The following CNKSR2 variants were observed in gnomAD, a reference collection of about 807,000 sequenced individuals.
CNKSR2 encodes connector enhancer of kinase suppressor of Ras 2, also known as CNK homolog protein 2.
A neutral mutation model predicts 84.4 loss-of-function variants in CNKSR2; 14 were observed. The observed-to-expected ratio is 0.17, with a 90% CI of 0.11 to 0.26. CNKSR2 has a LOEUF of 0.26. Ranked by LOEUF, CNKSR2 falls within the 10% of genes least tolerant of loss-of-function variation. The pLI, the probability that CNKSR2 is intolerant of heterozygous loss-of-function variation, is 1.00. For synonymous variants in CNKSR2, 275 were observed against 277.9 expected (o/e 0.99, Z 0.10); for missense variants, 485 against 771.2 (o/e 0.63, Z 4.40).
At chrX:21,417,064 C>T (rs2090432727) in intron 1 of CNKSR2, among the ~76,000 whole-genome samples, 1 of 111,130 alleles carries the variant, frequency 9.0e-6, no homozygotes, top group Non-Finnish European at 1.9e-5. Context: ...CTATAAATTT[C>T]CCTCTTAGTA....
At chrX:21,534,049 A>C (rs181229007) in intron 11 of CNKSR2, among the ~76,000 whole-genome samples, 1 of 110,192 alleles carries the variant, frequency 9.1e-6, no homozygotes, top group Non-Finnish European at 1.9e-5. Flanking sequence ...ATGTAGCTGT[A>C]ATTTATATCC....
At chrX:21,406,175 C>T (rs1231081229) in intron 1 of CNKSR2, among the ~76,000 whole-genome samples, 1 of 111,365 alleles carries the variant, frequency 9.0e-6, no homozygotes, top group African/African-American at 3.3e-5. Context: ...TAGGAATGCA[C>T]ACTGTGTTGT....
chrX:21,380,432 C>G (rs1398443150), intron 1 of CNKSR2, among the ~76,000 whole-genome samples: 1 of 103,106 alleles, frequency 9.7e-6, no homozygotes, highest in South Asian at 4.2e-4. Context: ...TAGATTAGGG[C>G]TCAATTTGTT....
In CNKSR2 at chrX:21,594,196, T is replaced by A. The variant is rs2092438182; in HGVS notation, c.1831-778T>A. 3 of 111,759 alleles carry A rather than the reference T, an allele frequency of 2.7e-5. No homozygotes were observed. The South Asian group carries it at 1.1e-3, about 42-fold the overall frequency. 9.2% of individuals were successfully genotyped at this position (111,759 alleles called of 1,213,427 possible). On this transcript the variant is annotated intron_variant, in intron 15 of 21. Coordinates refer to ENST00000379510, the MANE Select transcript of CNKSR2 (RefSeq NM_014927.5). ...GAACGTGGATGGAGCTGGAGGCTAT[T>A]ATCCTTTGCAAATAAATGCAGGAAC... is the stretch of plus-strand genomic sequence containing the variant.
chrX:21,536,351 T>C (rs2091927878), intron 11 of CNKSR2, among the ~76,000 whole-genome samples: 1 of 111,442 alleles, frequency 9.0e-6, no homozygotes, highest in African/African-American at 3.3e-5. Flanking sequence ...TGGATTTTAG[T>C]AGTAGGCTAC....
intron 20 of CNKSR2, chrX:21,645,051 T>C (rs2092702923): frequency 8.9e-6 from 1 of 111,840 alleles, no homozygotes; most frequent in Admixed American, 9.5e-5. Flanking sequence ...CTTTGGGCTT[T>C]CAGTTATCAC....
intron 20 of CNKSR2, among the ~76,000 whole-genome samples, chrX:21,633,590 A>G (rs188611987): frequency 4.4e-5 from 5 of 112,450 alleles, no homozygotes; most frequent in African/African-American, 1.6e-4. Context: ...ACTCACTGCA[A>G]TGAAGTTCCT....
intron 19 of CNKSR2, 107 bp downstream of exon 19, chrX:21,606,986 C>G: frequency 2.4e-6 from 1 of 410,883 alleles, no homozygotes; most frequent in Non-Finnish European, 3.9e-6. Context: ...TTTAAGGTTT[C>G]TCAGCGGAAA....
Position 21,522,352 on chromosome X carries a change from A to T in CNKSR2, c.958-4515A>T, listed in dbSNP as rs759023357. 4.5e-5 allele frequency among the ~76,000 whole-genome samples: 5 copies of T among 110,967 alleles called. 1 individual carries two copies. Among genetic ancestry groups the T allele is most frequent in the South Asian group, 3.7e-4 (1 of 2,692 alleles). ...TGGAAGGCAAAGCAAGTTCTGTGTG[A>T]TCTTGGCATTAGTGAATTTTAGAGC... is the stretch of plus-strand genomic sequence containing the variant. On this transcript the variant is annotated intron_variant, in intron 9 of 21. Coordinates refer to ENST00000379510, the MANE Select transcript of CNKSR2 (RefSeq NM_014927.5).
chrX:21,585,388 G>A (rs1364603074), intron 13 of CNKSR2, among the ~76,000 whole-genome samples: 1 of 107,905 alleles, frequency 9.3e-6, no homozygotes. Flanking sequence ...GTGAGAGATT[G>A]TGGTGGCTTA....
intron 11 of CNKSR2, among the ~76,000 whole-genome samples, chrX:21,547,497 A>C (rs757153607): frequency 3.0e-4 from 33 of 111,282 alleles, no homozygotes; most frequent in Admixed American, 1.9e-3. Flanking sequence ...TTAACACCCC[A>C]CTGTCAATAT....
At chrX:21,499,762 A>G (rs2091540048) in intron 7 of CNKSR2, among the ~76,000 whole-genome samples, 1 of 110,609 alleles carries the variant, frequency 9.0e-6, no homozygotes. Context: ...CTGTGCCCTA[A>G]TTTCTTAGTT....
At chrX:21,590,943 T>G (rs1412436978) in intron 14 of CNKSR2, 79 bp from the exon 15 acceptor site, 29 of 858,362 alleles carry the variant, frequency 3.4e-5, no homozygotes, top group Non-Finnish European at 4.7e-5. Context: ...CAAGAACTCA[T>G]ACTTCTTTTT....
chrX:21,558,073 T>C (rs1467441494), intron 11 of CNKSR2, among the ~76,000 whole-genome samples: 2 of 111,722 alleles, frequency 1.8e-5, no homozygotes, highest in African/African-American at 3.2e-5. Flanking sequence ...CACTAAAACA[T>C]TGAATCATAG....
chrX:21,549,293 A>G (rs749897142), intron 11 of CNKSR2, among the ~76,000 whole-genome samples: 1 of 111,994 alleles, frequency 8.9e-6, no homozygotes, highest in Non-Finnish European at 1.9e-5. Context: ...GAGCCAAACC[A>G]TGAGTGGGCT....
At chrX:21,627,548 T>C (rs1004007475) in intron 20 of CNKSR2, among the ~76,000 whole-genome samples, 1 of 111,353 alleles carries the variant, frequency 9.0e-6, no homozygotes. Flanking sequence ...TTTAATGGAC[T>C]TACAGTGCCA....
At chrX:21,569,497 A>G (rs1456276075) in intron 13 of CNKSR2, among the ~76,000 whole-genome samples, 2 of 111,908 alleles carry the variant, frequency 1.8e-5, no homozygotes, top group Non-Finnish European at 3.8e-5. Flanking sequence ...CAACATTTGC[A>G]GTGACTTCCT....
intron 20 of CNKSR2, among the ~76,000 whole-genome samples, chrX:21,621,598 A>G (rs1460974912): frequency 9.0e-6 from 1 of 111,484 alleles, no homozygotes; most frequent in Non-Finnish European, 1.9e-5. Context: ...ACAGCATTAA[A>G]TTTTAAACTT....
chrX:21,610,473 A>T (rs762581458), intron 20 of CNKSR2, among the ~76,000 whole-genome samples: 12 of 112,469 alleles, frequency 1.1e-4, no homozygotes, highest in Admixed American at 8.5e-4. Context: ...AGGTTTGGCT[A>T]CAAGTCCTGA....
Sources: allele counts gnomAD v4.1 joint callset (sites outside exome capture counted in the v4.1 genomes callset), GRCh38; gene constraint gnomAD v4.1.1; transcripts MANE v1.5; gene names NCBI Gene and HGNC (gene_info 2026-07-23, HGNC 2026-07-21).